PPARGC1A: variants seen among roughly 807,000 people sequenced by gnomAD.
The protein encoded by PPARGC1A is PPARG coactivator 1 alpha.
In PPARGC1A, 25 loss-of-function variants were observed where a neutral mutation model predicts 88.7. That is an observed-to-expected ratio of 0.28 (90% CI 0.21 to 0.39). The LOEUF is 0.39. PPARGC1A is among the 10% of genes least tolerant of loss of function. The pLI is 1.00. For missense variants in PPARGC1A, 880 were observed against 968.7 expected (o/e 0.91, Z 1.22); for synonymous variants, 363 against 355.6 (o/e 1.02, Z -0.24).
At chr4:23,951,973 G>A in the PPARGC1A span, among the ~76,000 whole-genome samples, 7 of 152,056 alleles carry the variant, frequency 4.6e-5, no homozygotes, top group African/African-American at 1.2e-4. Context: ...TATAACTTGC[G>A]TTCATTTCCT....
the PPARGC1A span, among the ~76,000 whole-genome samples, chr4:23,991,589 C>T: frequency 2.0e-5 from 3 of 152,128 alleles, no homozygotes; most frequent in Non-Finnish European, 2.9e-5. Context: ...AGAGGCAAAT[C>T]CTGCTCTTGA....
the PPARGC1A span, among the ~76,000 whole-genome samples, chr4:24,170,827 G>A: frequency 6.6e-6 from 1 of 152,144 alleles, no homozygotes; most frequent in African/African-American, 2.4e-5. Context: ...GCCTCTCCTT[G>A]AGACAAGAAC....
chr4:23,946,411 C>A, the PPARGC1A span, among the ~76,000 whole-genome samples: 1 of 152,086 alleles, frequency 6.6e-6, no homozygotes, highest in Non-Finnish European at 1.5e-5. Context: ...CAAGGCTGGG[C>A]TGGATCTAAC....
At chr4:23,842,058 A>G (rs543543752) in intron 2 of PPARGC1A, among the ~76,000 whole-genome samples, 265 of 152,244 alleles carry the variant, frequency 1.7e-3, no homozygotes, top group Non-Finnish European at 3.3e-3. Flanking sequence ...TTTATGGAAG[A>G]TATTATTAGA....
intron 2 of PPARGC1A, among the ~76,000 whole-genome samples, chr4:23,863,286 C>T (rs1002646232): frequency 1.3e-5 from 2 of 152,254 alleles, no homozygotes; most frequent in Admixed American, 6.5e-5. Context: ...AACCTTTCTT[C>T]GCTGATGCCA....
chr4:24,200,569 T>C, the PPARGC1A span, among the ~76,000 whole-genome samples: 1 of 145,868 alleles, frequency 6.9e-6, no homozygotes, highest in Non-Finnish European at 1.5e-5. Flanking sequence ...AGAGTAGCAG[T>C]TACCTCTGAG....
the PPARGC1A span, among the ~76,000 whole-genome samples, chr4:24,064,007 G>A: frequency 6.6e-6 from 1 of 152,166 alleles, no homozygotes; most frequent in Non-Finnish European, 1.5e-5. Flanking sequence ...TCTGGAGTGG[G>A]CCAGCCTTCC....
At chr4:24,358,327 G>T in the PPARGC1A span, among the ~76,000 whole-genome samples, 1 of 152,104 alleles carries the variant, frequency 6.6e-6, no homozygotes, top group South Asian at 2.1e-4. Context: ...TCTGAATTAG[G>T]TACTATCACT....
At chr4:23,977,695 TTAAA>T in the PPARGC1A span, among the ~76,000 whole-genome samples, 1 of 152,004 alleles carries the variant, frequency 6.6e-6, no homozygotes, top group African/African-American at 2.4e-5. Context: ...CAAAATTAAA[TTAAA>T]TAAAAAGAGA....
At chr4:24,032,344 G>A in the PPARGC1A span, among the ~76,000 whole-genome samples, 13 of 152,154 alleles carry the variant, frequency 8.5e-5, no homozygotes, top group African/African-American at 3.1e-4. Context: ...TGCAGAGACA[G>A]AGCTCACACA....
the PPARGC1A span, among the ~76,000 whole-genome samples, chr4:24,441,435 T>C: frequency 2.6e-5 from 4 of 152,190 alleles, no homozygotes. Flanking sequence ...TCTCAGAGTC[T>C]AAGCTACTGC....
At chr4:24,238,745 ATG>A in the PPARGC1A span, among the ~76,000 whole-genome samples, 21,983 of 120,794 alleles carry the variant, frequency 0.18, 1,839 homozygotes, top group Admixed American at 0.23. Flanking sequence ...AAGGTTGTAT[ATG>A]TGTGTGTGTG....
At chr4:24,229,056 GAATAACCTGAA>G in the PPARGC1A span, among the ~76,000 whole-genome samples, 13 of 151,778 alleles carry the variant, frequency 8.6e-5, no homozygotes, top group East Asian at 1.4e-3. Context: ...CTGCACATTG[GAATAACCTGAA>G]AAGCTTTAAA....
chr4:24,005,832 C>A, the PPARGC1A span, among the ~76,000 whole-genome samples: 17 of 151,984 alleles, frequency 1.1e-4, no homozygotes, highest in African/African-American at 4.1e-4. Context: ...AGAACAAACC[C>A]AGAAATCTTA....
At chr4:24,069,686 A>G in the PPARGC1A span, among the ~76,000 whole-genome samples, 6 of 152,212 alleles carry the variant, frequency 3.9e-5, no homozygotes, top group South Asian at 1.2e-3. Context: ...GAATAAGTAA[A>G]TACTATAGGA....
chr4:23,884,772 C>T lies in PPARGC1A; in HGVS notation c.214G>A (p.Glu72Lys). ...SEIISNQYNNEPSNIFEKIDE... is the reference protein window; with the variant it reads ...SEIISNQYNNKPSNIFEKIDE... The stretch of plus-strand genomic sequence containing the variant: ...CTTACCTCAAATATGTTTGAAGGCT[C>T]ATTGTTGTACTGATTGGATATTATT... Residue 72 changes from glutamate to lysine, a missense_variant, in exon 2 of 13, where the codon GAG becomes AAG. Physicochemically the swap from Glu to Lys is moderately conservative, Grantham distance 56. Coordinates refer to ENST00000264867, the MANE Select transcript of PPARGC1A (RefSeq NM_013261.5). 6.2e-7 allele frequency: 1 copy of T among 1,609,572 alleles called. No individual in the cohort carries two copies. Among genetic ancestry groups the T allele is most frequent in the Non-Finnish European group, 8.5e-7 (1 of 1,177,874 alleles).
the PPARGC1A span, among the ~76,000 whole-genome samples, chr4:23,929,831 C>T: frequency 6.6e-6 from 1 of 152,176 alleles, no homozygotes; most frequent in Admixed American, 6.5e-5. Context: ...TACCTGCCAC[C>T]TTTTATTTAG....
the PPARGC1A span, among the ~76,000 whole-genome samples, chr4:23,986,884 A>G: frequency 1.3e-5 from 2 of 152,120 alleles, no homozygotes; most frequent in Admixed American, 1.3e-4. Context: ...CACAAAATGC[A>G]TATCAGACAT....
At chr4:24,265,493 G>T in the PPARGC1A span, among the ~76,000 whole-genome samples, 7 of 152,104 alleles carry the variant, frequency 4.6e-5, no homozygotes, top group Non-Finnish European at 4.4e-5. Flanking sequence ...ACAGGGGAAG[G>T]CTTCTGCTTA....
Sources: gnomAD v4.1 joint callset for allele counts (sites outside exome capture counted in the v4.1 genomes callset) on GRCh38, gnomAD v4.1.1 for gene constraint, MANE v1.5 for transcripts, NCBI Gene and HGNC (gene_info 2026-07-23, HGNC 2026-07-21) for gene names.